Variants in RAB38 observed in about 807,000 individuals in gnomAD.
RAB38 encodes the protein RAB38, member RAS oncogene family.
Under a neutral mutation model 18.4 loss-of-function variants are expected in RAB38, and 15 were observed. The ratio of observed to expected loss-of-function variants is 0.82; its 90% CI spans 0.55 to 1.26. The LOEUF (loss-of-function observed/expected upper bound fraction) is 1.26. Ranked by LOEUF, RAB38 falls within the 50% of genes most tolerant of loss-of-function variation. The pLI, the probability that RAB38 is intolerant of heterozygous loss-of-function variation, is 0.00. For missense variants in RAB38, 294 were observed against 267.4 expected (o/e 1.10, Z -0.69); for synonymous variants, 101 against 104.4 (o/e 0.97, Z 0.20).
At chr11:88,114,600 A>G (rs1942523060) in intron 2 of RAB38, among the ~76,000 whole-genome samples, 2 of 152,226 alleles carry the variant, frequency 1.3e-5, no homozygotes, top group South Asian at 4.1e-4. Context: ...GGGTCTCTAT[A>G]TTCTAGTGAA....
chr11:87,951,440 G>A, the RAB38 span, among the ~76,000 whole-genome samples: 3 of 152,116 alleles, frequency 2.0e-5, no homozygotes, highest in South Asian at 4.1e-4. Flanking sequence ...CTGGTGAGGA[G>A]CTGCGTTCCT....
chr11:87,961,692 G>A, the RAB38 span, among the ~76,000 whole-genome samples: 1 of 152,156 alleles, frequency 6.6e-6, no homozygotes, highest in Non-Finnish European at 1.5e-5. Flanking sequence ...TAGAAACCAA[G>A]CCTGGATGCC....
intron 2 of RAB38, among the ~76,000 whole-genome samples, chr11:88,142,832 T>C (rs1189405126): frequency 6.6e-6 from 1 of 152,246 alleles, no homozygotes; most frequent in African/African-American, 2.4e-5. Context: ...GAAAAGTATA[T>C]GTGAGAAAAG....
chr11:87,890,441 T>C, the RAB38 span, among the ~76,000 whole-genome samples: 2 of 151,858 alleles, frequency 1.3e-5, no homozygotes, highest in African/African-American at 4.8e-5. Flanking sequence ...AAGCCCTTGG[T>C]TCATCCCTCA....
the RAB38 span, among the ~76,000 whole-genome samples, chr11:87,956,864 G>A: frequency 2.6e-5 from 4 of 151,912 alleles, no homozygotes; most frequent in Non-Finnish European, 5.9e-5. Context: ...GGGCCTTTCT[G>A]GGTTCCCTCC....
the RAB38 span, among the ~76,000 whole-genome samples, chr11:87,844,628 G>A: frequency 6.6e-6 from 1 of 152,054 alleles, no homozygotes; most frequent in African/African-American, 2.4e-5. Flanking sequence ...TCTCAAAGTA[G>A]GCCTTATTAA....
chr11:87,811,573 T>C, the RAB38 span, among the ~76,000 whole-genome samples: 2 of 152,186 alleles, frequency 1.3e-5, no homozygotes, highest in East Asian at 3.9e-4. Flanking sequence ...TTTACTCCTT[T>C]ACCCACTTTC....
the RAB38 span, among the ~76,000 whole-genome samples, chr11:87,868,953 G>C: frequency 2.0e-5 from 3 of 151,602 alleles, no homozygotes; most frequent in Non-Finnish European, 4.4e-5. Context: ...TGGCCCAAAG[G>C]TGAAACCAAG....
downstream of RAB38, among the ~76,000 whole-genome samples, chr11:88,110,099 C>A (rs1591148901): frequency 2.0e-5 from 3 of 152,126 alleles, no homozygotes; most frequent in East Asian, 5.8e-4. Context: ...TTCCCAATAG[C>A]AAAGACTTGG....
the RAB38 span, among the ~76,000 whole-genome samples, chr11:88,082,515 G>C: frequency 1.3e-5 from 2 of 151,474 alleles, no homozygotes; most frequent in Non-Finnish European, 3.0e-5. Context: ...TAAAACAAAC[G>C]CCTAATCTTC....
chr11:87,957,301 TC>T, the RAB38 span, among the ~76,000 whole-genome samples: 2 of 151,912 alleles, frequency 1.3e-5, no homozygotes, highest in East Asian at 1.9e-4. Context: ...CCTGCTTCTC[TC>T]CCCTCACCCC....
At chr11:87,828,359 A>G in the RAB38 span, among the ~76,000 whole-genome samples, 3 of 152,078 alleles carry the variant, frequency 2.0e-5, no homozygotes, top group Non-Finnish European at 4.4e-5. Context: ...TAGATGATCT[A>G]TTTCCATCAA....
At chr11:88,132,073 C>T (rs1206090275) in intron 2 of RAB38, among the ~76,000 whole-genome samples, 2 of 152,216 alleles carry the variant, frequency 1.3e-5, no homozygotes, top group Non-Finnish European at 2.9e-5. Flanking sequence ...GAGAACACAG[C>T]TATGACCAGC....
the RAB38 span, among the ~76,000 whole-genome samples, chr11:88,094,929 T>C: frequency 1.6e-4 from 24 of 151,992 alleles, no homozygotes; most frequent in African/African-American, 5.8e-4. Context: ...ACTCTCTTCT[T>C]ATTCCACTGA....
At chr11:87,811,461 T>C in the RAB38 span, among the ~76,000 whole-genome samples, 1 of 152,182 alleles carries the variant, frequency 6.6e-6, no homozygotes, top group Admixed American at 6.6e-5. Context: ...ACCTACACAA[T>C]TGGCCTCTTC....
At chr11:87,820,999 G>A in the RAB38 span, among the ~76,000 whole-genome samples, 1 of 152,142 alleles carries the variant, frequency 6.6e-6, no homozygotes, top group Non-Finnish European at 1.5e-5. Context: ...ATGGATGTTG[G>A]AGTAAGACAA....
intron 2 of RAB38, among the ~76,000 whole-genome samples, chr11:88,140,358 A>C (rs1942894107): frequency 6.6e-6 from 1 of 152,230 alleles, no homozygotes; most frequent in African/African-American, 2.4e-5. Context: ...TAAGGACATA[A>C]ATACTCCGCA....
chr11:87,822,175 T>C, the RAB38 span, among the ~76,000 whole-genome samples: 1 of 149,992 alleles, frequency 6.7e-6, no homozygotes, highest in Admixed American at 6.6e-5. Flanking sequence ...GTCATCCAGG[T>C]GAGATAAGTA....
the RAB38 span, among the ~76,000 whole-genome samples, chr11:87,963,703 GTGGTA>G: frequency 6.6e-6 from 1 of 150,486 alleles, no homozygotes; most frequent in Non-Finnish European, 1.5e-5. Context: ...CTGGAGTGCA[GTGGTA>G]TGGTCTCGGC....
Sources: allele counts gnomAD v4.1 joint callset (sites outside exome capture counted in the v4.1 genomes callset), GRCh38; gene constraint gnomAD v4.1.1; transcripts MANE v1.5; gene names NCBI Gene and HGNC (gene_info 2026-07-23, HGNC 2026-07-21).